The following C12orf42 variants were observed in gnomAD, a reference collection of about 807,000 sequenced individuals.
C12orf42 encodes uncharacterized protein C12orf42.
A neutral mutation model predicts 21.6 loss-of-function variants in C12orf42; 25 were observed. The observed-to-expected ratio is 1.16, with a 90% confidence interval of 0.84 to 1.62. The LOEUF is 1.62. Ranked by LOEUF, C12orf42 falls within the 40% of genes most tolerant of loss-of-function variation. The pLI, the probability that C12orf42 is intolerant of heterozygous loss-of-function variation, is 0.00. For synonymous variants in C12orf42, 174 were observed against 175.0 expected, an observed-to-expected ratio of 0.99 and a Z score of 0.05; for missense variants, 483 against 459.3, an observed-to-expected ratio of 1.05 and a Z score of -0.47.
chr12:103,107,799 T>G, the C12orf42 span, among the ~76,000 whole-genome samples: 1 of 151,638 alleles, frequency 6.6e-6, no homozygotes, highest in African/African-American at 2.4e-5. Flanking sequence ...CAAAAGCTTT[T>G]CTATTGAAAA....
chr12:103,537,297 T>C, the C12orf42 span, among the ~76,000 whole-genome samples: 3 of 151,952 alleles, frequency 2.0e-5, no homozygotes, highest in Non-Finnish European at 4.4e-5. Flanking sequence ...GGGTAGTTAT[T>C]GCAAATCAGA....
At chr12:103,561,723 CA>C in the C12orf42 span, among the ~76,000 whole-genome samples, 3 of 152,116 alleles carry the variant, frequency 2.0e-5, no homozygotes, top group South Asian at 2.1e-4. Flanking sequence ...TTACCCTTTA[CA>C]AAAATGGAAG....
the C12orf42 span, among the ~76,000 whole-genome samples, chr12:103,061,761 A>G: frequency 6.6e-6 from 1 of 151,912 alleles, no homozygotes; most frequent in Non-Finnish European, 1.5e-5. Context: ...CATTATATCA[A>G]AGAGGTATCT....
chr12:103,325,393 T>C (rs2040580974), intron 4 of C12orf42, among the ~76,000 whole-genome samples: 1 of 152,238 alleles, frequency 6.6e-6, no homozygotes, highest in Non-Finnish European at 1.5e-5. Flanking sequence ...TAAATAATTA[T>C]GTGGCTCAAA....
chr12:103,081,014 ACTTATGTATTTGCATTCTGATTACTACGT>A, the C12orf42 span: 2 of 152,166 alleles, frequency 1.3e-5, no homozygotes, highest in African/African-American at 4.8e-5. Flanking sequence ...CTCTACATGT[ACTTATGTATTTGCATTCTGATTACTACGT>A]CTTAAGCATT....
intron 2 of C12orf42, among the ~76,000 whole-genome samples, chr12:103,425,106 A>G (rs962764734): frequency 6.6e-6 from 1 of 152,190 alleles, no homozygotes; most frequent in African/African-American, 2.4e-5. Flanking sequence ...ACAGCTCGGC[A>G]AAGCCACTGT....
At chr12:103,290,800 T>C (rs1195268586) in intron 4 of C12orf42, among the ~76,000 whole-genome samples, 2 of 152,116 alleles carry the variant, frequency 1.3e-5, no homozygotes. Context: ...TTAAGAATTC[T>C]ATTTTCTGGA....
At chr12:103,176,523 C>T in the C12orf42 span, among the ~76,000 whole-genome samples, 1 of 152,096 alleles carries the variant, frequency 6.6e-6, no homozygotes, top group East Asian at 1.9e-4. Context: ...AATTTTCTGG[C>T]CCAATTTCTA....
chr12:103,174,027 C>T, the C12orf42 span, among the ~76,000 whole-genome samples: 1 of 152,216 alleles, frequency 6.6e-6, no homozygotes, highest in Non-Finnish European at 1.5e-5. Flanking sequence ...TCTAGACTTA[C>T]AGATCGCTGC....
At chr12:103,524,166 A>C in the C12orf42 span, among the ~76,000 whole-genome samples, 1 of 152,162 alleles carries the variant, frequency 6.6e-6, no homozygotes, top group Non-Finnish European at 1.5e-5. Flanking sequence ...TCCTTTTGCA[A>C]GGATTTCTTG....
At chr12:103,401,391 G>A (rs375845856) in intron 3 of C12orf42, among the ~76,000 whole-genome samples, 609 of 152,250 alleles carry the variant, frequency 4.0e-3, no homozygotes, top group Non-Finnish European at 6.7e-3. Context: ...ACATATCTGC[G>A]TGCAAAGAAT....
the C12orf42 span, among the ~76,000 whole-genome samples, chr12:103,051,178 C>G: frequency 6.6e-6 from 1 of 152,180 alleles, no homozygotes; most frequent in Non-Finnish European, 1.5e-5. Flanking sequence ...GCCAGATAAC[C>G]ATCAAATGAC....
At chr12:103,080,446 C>G in the C12orf42 span, among the ~76,000 whole-genome samples, 2 of 152,104 alleles carry the variant, frequency 1.3e-5, no homozygotes, top group Non-Finnish European at 1.5e-5. Context: ...ATCTAAGGAT[C>G]ATCATTAATA....
At chr12:103,377,357 G>C (rs1248938390) in intron 3 of C12orf42, among the ~76,000 whole-genome samples, 1 of 152,008 alleles carries the variant, frequency 6.6e-6, no homozygotes, top group Non-Finnish European at 1.5e-5. Flanking sequence ...CACTCAGTCA[G>C]GGCTTATGAC....
At chr12:103,152,505 A>T in the C12orf42 span, among the ~76,000 whole-genome samples, 1 of 152,204 alleles carries the variant, frequency 6.6e-6, no homozygotes, top group African/African-American at 2.4e-5. Context: ...AACAAAATAA[A>T]TAAATAAAAA....
At chr12:103,082,668 C>T in the C12orf42 span, among the ~76,000 whole-genome samples, 1 of 152,170 alleles carries the variant, frequency 6.6e-6, no homozygotes, top group South Asian at 2.1e-4. Context: ...ACGTTGTGCC[C>T]ATGTACCCTA....
At chr12:103,512,374 GAA>G in the C12orf42 span, among the ~76,000 whole-genome samples, 1 of 152,174 alleles carries the variant, frequency 6.6e-6, no homozygotes, top group Admixed American at 6.5e-5. Flanking sequence ...CAGTTAGACA[GAA>G]GGAATAAGTT....
the C12orf42 span, among the ~76,000 whole-genome samples, chr12:103,122,344 C>T: frequency 6.6e-6 from 1 of 152,176 alleles, no homozygotes; most frequent in Admixed American, 6.5e-5. Context: ...GAGCAATAGG[C>T]TTTCTGCATG....
At chr12:103,181,284 A>G in the C12orf42 span, among the ~76,000 whole-genome samples, 1 of 151,952 alleles carries the variant, frequency 6.6e-6, no homozygotes, top group Non-Finnish European at 1.5e-5. Context: ...ATAAGTAAAA[A>G]TTAAAAAAAA....
Sources: gnomAD v4.1 joint callset for allele counts (sites outside exome capture counted in the v4.1 genomes callset) on GRCh38, gnomAD v4.1.1 for gene constraint, MANE v1.5 for transcripts, NCBI Gene and HGNC (gene_info 2026-07-23, HGNC 2026-07-21) for gene names.